MSRA: variants seen among roughly 807,000 people sequenced by gnomAD.
MSRA encodes the protein mitochondrial peptide methionine sulfoxide reductase.
MSRA carries 54 observed loss-of-function variants against 31.3 expected under a neutral mutation model. That is an observed-to-expected ratio of 1.73 (90% CI 1.39 to 2.17). The LOEUF is 2.17. Ranked by LOEUF, MSRA falls within the 30% of genes most tolerant of loss-of-function variation. The pLI is 0.00. For missense variants in MSRA, 507 were observed against 300.9 expected, an observed-to-expected ratio of 1.69 and a Z score of -5.07; for synonymous variants, 169 against 116.5, an observed-to-expected ratio of 1.45 and a Z score of -2.90.
Position 10,230,723 on chromosome 8 carries a change from A to C in MSRA, c.212-14381A>C, listed in dbSNP as rs567527408. ...GAACATAAAAATCACCTGTAATCTTAGTCAGTAAGATTCTTAAGACTGTTT... is the reference window on the plus strand; with the variant it reads ...GAACATAAAAATCACCTGTAATCTTCGTCAGTAAGATTCTTAAGACTGTTT... On this transcript the variant is annotated intron_variant, in intron 2 of 5. Coordinates refer to ENST00000317173, the MANE Select transcript of MSRA (RefSeq NM_012331.5). Among the ~76,000 whole-genome samples, 539 of 152,322 alleles carry C rather than the reference A, an allele frequency of 3.5e-3. 1 individual carries two copies. Among genetic ancestry groups the C allele is most frequent in the African/African-American group, 0.011 (458 of 41,580 alleles).
chr8:10,406,784 C>T (rs190710804), intron 5 of MSRA, among the ~76,000 whole-genome samples: 4 of 152,328 alleles, frequency 2.6e-5, no homozygotes, highest in East Asian at 3.9e-4. Flanking sequence ...TGTTGTTTGG[C>T]CCACTTTCTA....
intron 3 of MSRA, among the ~76,000 whole-genome samples, chr8:10,283,864 C>CACAT (rs1799789307): frequency 7.2e-6 from 1 of 139,800 alleles, no homozygotes; most frequent in African/African-American, 2.6e-5. Context: ...CACACACACA[C>CACAT]ACACATATAT....
At chr8:10,070,741 C>T (rs964452946) in intron 1 of MSRA, among the ~76,000 whole-genome samples, 3 of 152,324 alleles carry the variant, frequency 2.0e-5, no homozygotes, top group African/African-American at 4.8e-5. Context: ...TTTACATAAA[C>T]GATGTCATAT....
rs557161921 is a variant in MSRA, at chr8:10,145,647, T to A, written c.143-62186T>A. The stretch of plus-strand genomic sequence containing the variant: ...GTGACCTGTTCACTTTCAAAATCCT[T>A]CAATATAAAAATTATTCTTGGCAAG... On this transcript the variant is annotated intron_variant, in intron 1 of 5. Transcript: ENST00000317173. Among the ~76,000 whole-genome samples, 16 of 152,342 alleles carry A rather than the reference T, an allele frequency of 1.1e-4. No homozygotes were observed. The South Asian group carries it at 2.5e-3, about 24-fold the overall frequency.
At chr8:10,287,455 C>A (rs768014977) in intron 3 of MSRA, among the ~76,000 whole-genome samples, 1 of 152,178 alleles carries the variant, frequency 6.6e-6, no homozygotes, top group Admixed American at 6.5e-5. Context: ...GTATCATCAT[C>A]ATCCCACGCT....
intron 5 of MSRA, among the ~76,000 whole-genome samples, chr8:10,393,772 G>A (rs1197396749): frequency 6.6e-6 from 1 of 152,192 alleles, no homozygotes; most frequent in African/African-American, 2.4e-5. Context: ...ACAGTTACAT[G>A]GCTAATAGGT....
At chr8:10,226,688 T>A (rs1286004995) in intron 2 of MSRA, among the ~76,000 whole-genome samples, 1 of 152,222 alleles carries the variant, frequency 6.6e-6, no homozygotes, top group East Asian at 1.9e-4. Flanking sequence ...TATGTGTGCA[T>A]ATATGAGTAT....
intron 1 of MSRA, among the ~76,000 whole-genome samples, chr8:10,061,495 C>T (rs987551118): frequency 3.3e-5 from 5 of 152,022 alleles, no homozygotes; most frequent in African/African-American, 7.2e-5. Context: ...TGGCATCTTG[C>T]GTTGCTAATT....
intron 3 of MSRA, among the ~76,000 whole-genome samples, chr8:10,295,572 C>T (rs17151637): frequency 0.27 from 40,879 of 152,090 alleles, 5,885 homozygotes; most frequent in African/African-American, 0.33. Context: ...TCCCAAATCT[C>T]GTCTACATAA....
intron 1 of MSRA, among the ~76,000 whole-genome samples, chr8:10,091,280 A>G (rs188085889): frequency 1.8e-3 from 276 of 152,348 alleles, no homozygotes; most frequent in African/African-American, 6.5e-3. Context: ...TTAAAAAGTG[A>G]CAAAAATTGT....
At chr8:10,287,698 C>T (rs931581506) in intron 3 of MSRA, among the ~76,000 whole-genome samples, 28 of 152,102 alleles carry the variant, frequency 1.8e-4, no homozygotes, top group South Asian at 4.1e-4. Flanking sequence ...GGCAAAGGCA[C>T]GTAGTCTAGC....
chr8:10,176,362 A>C (rs1340835751), intron 1 of MSRA, among the ~76,000 whole-genome samples: 1 of 152,176 alleles, frequency 6.6e-6, no homozygotes, highest in Non-Finnish European at 1.5e-5. Flanking sequence ...GGTGAGACGA[A>C]GAAGAATAGG....
chr8:10,078,692 C>A (rs988056116), intron 1 of MSRA, among the ~76,000 whole-genome samples: 1 of 152,228 alleles, frequency 6.6e-6, no homozygotes, highest in Admixed American at 6.5e-5. Context: ...GGTAGCTGGT[C>A]CCAAGCTCCT....
chr8:10,215,826 A>G (rs1447893105), intron 2 of MSRA, among the ~76,000 whole-genome samples: 1 of 152,188 alleles, frequency 6.6e-6, no homozygotes, highest in African/African-American at 2.4e-5. Flanking sequence ...TACAGCAACC[A>G]CCCACTTGAC....
intron 1 of MSRA, among the ~76,000 whole-genome samples, chr8:10,093,407 T>A (rs542564809): frequency 3.9e-5 from 6 of 152,302 alleles, no homozygotes; most frequent in African/African-American, 1.4e-4. Context: ...AACAATCTAA[T>A]TCAGATTAAT....
intron 1 of MSRA, among the ~76,000 whole-genome samples, chr8:10,119,044 C>T (rs536136118): frequency 3.0e-4 from 46 of 152,262 alleles, no homozygotes; most frequent in Non-Finnish European, 3.2e-4. Flanking sequence ...TTCCCTGGGA[C>T]GTGGAATCCC....
chr8:10,177,443 C>G (rs1345258296), intron 1 of MSRA, among the ~76,000 whole-genome samples: 3 of 146,570 alleles, frequency 2.0e-5, no homozygotes, highest in Non-Finnish European at 4.5e-5. Flanking sequence ...GCTTTGATAA[C>G]TTTTTGTTGA....
intron 2 of MSRA, among the ~76,000 whole-genome samples, chr8:10,238,547 C>T (rs1358689860): frequency 6.6e-6 from 1 of 152,064 alleles, no homozygotes; most frequent in Non-Finnish European, 1.5e-5. Flanking sequence ...GATGAAAAAA[C>T]AGTATAGGAT....
chr8:10,376,655 G>A (rs2129172430), intron 5 of MSRA, among the ~76,000 whole-genome samples: 1 of 152,224 alleles, frequency 6.6e-6, no homozygotes, highest in East Asian at 1.9e-4. Flanking sequence ...AAACCCCAAG[G>A]GAATCCTATT....
Sources: gnomAD v4.1 joint callset for allele counts (sites outside exome capture counted in the v4.1 genomes callset) on GRCh38, gnomAD v4.1.1 for gene constraint, MANE v1.5 for transcripts, NCBI Gene and HGNC (gene_info 2026-07-23, HGNC 2026-07-21) for gene names.